Variants in PCBP3 observed in about 807,000 individuals in gnomAD.
The protein encoded by PCBP3 is poly(rC)-binding protein 3.
Under a neutral mutation model 52.7 loss-of-function variants are expected in PCBP3, and 25 were observed. That is an observed-to-expected ratio of 0.47 (90% CI 0.35 to 0.66). PCBP3 has a LOEUF of 0.66. Among genes scored for constraint, PCBP3 ranks in the 30% least tolerant of loss-of-function variants. PCBP3 has a pLI of 0.01. For missense variants in PCBP3, 391 were observed against 490.3 expected (o/e 0.80, Z 1.91); for synonymous variants, 162 against 183.0 (o/e 0.89, Z 0.93).
At chr21:45,836,672 A>G (rs1034394298) in intron 4 of PCBP3, among the ~76,000 whole-genome samples, 2 of 151,928 alleles carry the variant, frequency 1.3e-5, no homozygotes, top group Admixed American at 6.5e-5. Context: ...GAGATGACCC[A>G]TGCTGCCGTG....
intron 5 of PCBP3, among the ~76,000 whole-genome samples, chr21:45,874,505 CTTTT>C (rs551716964): frequency 7.5e-6 from 1 of 134,000 alleles, no homozygotes; most frequent in Non-Finnish European, 1.6e-5. Context: ...TTCTTCTTTT[CTTTT>C]TTTTTTTTTT....
At position 45,656,066 on chromosome 21, in the gene PCBP3, AT is replaced by A. The variant is rs2079998997; in HGVS notation, c.-279+12200del. ...GGTGGGAGTATAAATTAGTTCAACC[AT>A]TGTGGAAGACAGTGTGGCGATTTCT... is the stretch of plus-strand genomic sequence containing the variant. On this transcript the variant is annotated intron_variant, in intron 1 of 17. Coordinates refer to ENST00000681687, the MANE Select transcript of PCBP3 (RefSeq NM_001384156.1). This position sits in a 1 kb window ranked among gnomAD's most constrained non-coding sequence, Gnocchi z 4.3. Among the ~76,000 whole-genome samples, 1 of 152,238 alleles carries A rather than the reference AT, an allele frequency of 6.6e-6. No individual in the cohort carries two copies. The highest frequency in any genetic ancestry group is 1.5e-5 in the Non-Finnish European group (1 of 68,044).
Position 45,917,480 on chromosome 21 carries a change from AG to A in PCBP3, c.676-103del. 1.2e-6 allele frequency: 1 copy of A among 828,934 alleles called. No homozygotes were observed. The highest frequency in any genetic ancestry group is 2.0e-6 in the Non-Finnish European group (1 of 491,160). The allele number at this position is 828,934 out of a possible 1,614,324, so 51.3% of individuals were successfully genotyped here. ...ATGGGGACAGGTGGAGAGGCACACG[AG>A]GGGGAAGCTTCTACCGGAGGGTCCT... On this transcript the variant is annotated intron_variant, in intron 12 of 17. Coordinates refer to ENST00000681687, the MANE Select transcript of PCBP3 (RefSeq NM_001384156.1). This position sits in a 1 kb window ranked among gnomAD's most constrained non-coding sequence, Gnocchi z 5.3.
At chr21:45,901,299 G>T in intron 9 of PCBP3, 186 bp downstream of exon 9, 2 of 574,918 alleles carry the variant, frequency 3.5e-6, no homozygotes, top group South Asian at 1.9e-5. Flanking sequence ...CCAGTCAGGG[G>T]CCAGTGTCTC....
chr21:45,709,526 C>T (rs570726042), intron 2 of PCBP3, among the ~76,000 whole-genome samples: 3 of 152,170 alleles, frequency 2.0e-5, no homozygotes, highest in East Asian at 3.9e-4. Flanking sequence ...TGCTGTTTTC[C>T]CAACATGTTC....
At chr21:45,842,467 C>G (rs1381548245) in intron 4 of PCBP3, among the ~76,000 whole-genome samples, 2 of 152,124 alleles carry the variant, frequency 1.3e-5, no homozygotes, top group Non-Finnish European at 2.9e-5. Context: ...TGGTTTGAGC[C>G]TGTCTATAGA....
intron 13 of PCBP3, among the ~76,000 whole-genome samples, chr21:45,929,684 G>T (rs985546821): frequency 2.0e-5 from 3 of 152,230 alleles, no homozygotes; most frequent in African/African-American, 7.2e-5. Flanking sequence ...GCCAGGGAGA[G>T]AAGACAGCGG....
At chr21:45,756,636 C>T (rs1270073095) in intron 4 of PCBP3, among the ~76,000 whole-genome samples, 1 of 152,096 alleles carries the variant, frequency 6.6e-6, no homozygotes, top group Non-Finnish European at 1.5e-5. Context: ...CGTGTACAGC[C>T]ATTATCACTA....
intron 2 of PCBP3, among the ~76,000 whole-genome samples, chr21:45,671,863 G>A (rs113560044): frequency 0.028 from 4,256 of 152,206 alleles, 215 homozygotes; most frequent in African/African-American, 0.097. Context: ...ATCATGGTCA[G>A]TGTGGCGTGT....
rs1452348088 is a variant in PCBP3, at chr21:45,741,967, C to CT, written c.-162+6541dup. 2.6e-5 allele frequency among the ~76,000 whole-genome samples: 4 copies of CT among 152,238 alleles called. No individual in the cohort carries two copies. Among genetic ancestry groups the CT allele is most frequent in the Non-Finnish European group, 5.9e-5 (4 of 68,032 alleles). On this transcript the variant is annotated intron_variant, in intron 3 of 17. Coordinates refer to ENST00000681687, the MANE Select transcript of PCBP3 (RefSeq NM_001384156.1). The surrounding 1 kb of genome is among the most constrained non-coding windows in gnomAD (Gnocchi z 4.5). ...GTCTGCCTCAGGCATTCAGTACACACTTTCGTGCCCTGCTTTTTAACTGAA... is the reference window on the plus strand; with the variant it reads ...GTCTGCCTCAGGCATTCAGTACACACTTTTCGTGCCCTGCTTTTTAACTGAA...
intron 9 of PCBP3, 92 bp from the exon 10 acceptor site, chr21:45,909,263 T>C (rs2096279364): frequency 1.5e-6 from 2 of 1,359,230 alleles, no homozygotes; most frequent in Non-Finnish European, 2.0e-6. Context: ...TGTGGGCTTC[T>C]GAGTGTGGGA....
At chr21:45,935,748 G>A (rs1435083186) in intron 16 of PCBP3, among the ~76,000 whole-genome samples, 3 of 149,962 alleles carry the variant, frequency 2.0e-5, no homozygotes, top group Non-Finnish European at 3.0e-5. Flanking sequence ...CAGACTTGAA[G>A]CTGGTTGGAT....
chr21:45,665,598 T>C (rs552393111), intron 1 of PCBP3, among the ~76,000 whole-genome samples: 1 of 152,170 alleles, frequency 6.6e-6, no homozygotes, highest in Non-Finnish European at 1.5e-5. Context: ...AACAGACCAA[T>C]AACAAGTAGC....
In PCBP3 at chr21:45,917,722, TACACA is replaced by T; in HGVS notation, c.717+95_717+99del. 1.3e-5 allele frequency: 13 copies of T among 976,870 alleles called. No individual in the cohort carries two copies. The highest frequency in any genetic ancestry group is 2.0e-5 in the Non-Finnish European group (12 of 600,536). 60.5% of individuals were successfully genotyped at this position (976,870 alleles called of 1,614,324 possible). On this transcript the variant is annotated intron_variant, in intron 13 of 17. Transcript: ENST00000681687. The surrounding 1 kb of genome is among the most constrained non-coding windows in gnomAD (Gnocchi z 5.3). The stretch of plus-strand genomic sequence containing the variant: ...TGTTAATTGCTACTAACATTAATAT[TACACA>T]ATAATATTAATCAACTTCTCAGCGT...
At chr21:45,932,990 G>A (rs1355996698) in intron 15 of PCBP3, among the ~76,000 whole-genome samples, 3 of 151,564 alleles carry the variant, frequency 2.0e-5, no homozygotes, top group Non-Finnish European at 2.9e-5. Flanking sequence ...GCCGTTCTGA[G>A]ATGAATGAAC....
At chr21:45,857,764 A>C (rs946793362) in intron 5 of PCBP3, among the ~76,000 whole-genome samples, 12 of 152,158 alleles carry the variant, frequency 7.9e-5, no homozygotes, top group African/African-American at 2.9e-4. Flanking sequence ...TATTTTGTAG[A>C]GTTTAGCTCT....
Position 45,800,956 on chromosome 21 carries a change from T to A in PCBP3, c.-126+45504T>A, listed in dbSNP as rs1364726844. On this transcript the variant is annotated intron_variant, in intron 4 of 17. Coordinates refer to ENST00000681687, the MANE Select transcript of PCBP3 (RefSeq NM_001384156.1). This position sits in a 1 kb window ranked among gnomAD's most constrained non-coding sequence, Gnocchi z 5.3. ...GCCTGAGCATGGGGTTCCCGCCTCC[T>A]CCAGGACTTGTTGCCCGTTCTGCGT... Among the ~76,000 whole-genome samples, 2 of 152,186 alleles carry A rather than the reference T, an allele frequency of 1.3e-5. No individual in the cohort carries two copies. Among genetic ancestry groups the A allele is most frequent in the Non-Finnish European group, 2.9e-5 (2 of 68,024 alleles).
intron 12 of PCBP3, chr21:45,914,935 T>G (rs1245654129): frequency 6.6e-6 from 1 of 152,314 alleles, no homozygotes; most frequent in Non-Finnish European, 1.5e-5. Context: ...GGGGCAAATG[T>G]TAGCACTTTT....
chr21:45,929,933 A>C lies in PCBP3; in HGVS notation c.734A>C (p.His245Pro), dbSNP rs776643420. The change falls in exon 14 of 18, where the codon CAC (histidine) becomes CCC (proline). Residue 245 changes from histidine to proline, a missense_variant. Physicochemically the swap from His to Pro is moderately conservative, Grantham distance 77. Coordinates refer to ENST00000681687, the MANE Select transcript of PCBP3 (RefSeq NM_001384156.1). ...CTACCCCAGCAGTTGACCAAGCTCC[A>C]CCAGTTGGCCATGCAGCAAACCCCC... is the stretch of plus-strand genomic sequence containing the variant. Reference protein sequence around the residue: ...IPHPDQLTKLHQLAMQQTPFP... With the variant: ...IPHPDQLTKLPQLAMQQTPFP... 1.2e-5 allele frequency: 19 copies of C among 1,613,558 alleles called. No homozygotes were observed.
Sources: gnomAD v4.1 joint callset for allele counts (sites outside exome capture counted in the v4.1 genomes callset) on GRCh38, gnomAD v4.1.1 for gene constraint, Gnocchi (gnomAD v3.1) non-coding constraint, MANE v1.5 for transcripts, NCBI Gene and HGNC (gene_info 2026-07-23, HGNC 2026-07-21) for gene names.